The following PCDHGA5 variants were observed in gnomAD, a reference collection of about 807,000 sequenced individuals.
The protein encoded by PCDHGA5 is protocadherin gamma-A5.
In PCDHGA5, 36 loss-of-function variants were observed where a neutral mutation model predicts 56.7. The ratio of observed to expected loss-of-function variants is 0.64; its 90% CI spans 0.49 to 0.84. The LOEUF (loss-of-function observed/expected upper bound fraction) is 0.84, where lower values mean the gene tolerates loss of function less well. Among genes scored for constraint, PCDHGA5 ranks in the 40% least tolerant of loss-of-function variants. PCDHGA5 has a pLI of 0.00. For missense variants in PCDHGA5, 1,305 were observed against 1,201.5 expected, an observed-to-expected ratio of 1.09 and a Z score of -1.27; for synonymous variants, 563 against 520.2, an observed-to-expected ratio of 1.08 and a Z score of -1.12.
chr5:141,485,340 C>A lies in PCDHGA5; in HGVS notation c.2422-9467C>A. 1 of 1,614,076 alleles carries A rather than the reference C, an allele frequency of 6.2e-7. No individual in the cohort carries two copies. On this transcript the variant is annotated intron_variant, in intron 1 of 3. Transcript: ENST00000518069. The surrounding 1 kb of genome is among the most constrained non-coding windows in gnomAD (Gnocchi z 5.7). ...GTCGCTCAAGATTTCCTGCTGGATA[C>A]GGACAGTCTGTCAGCTCGCAGGCTG...
rs770759647 is a variant in PCDHGA5 at position 141,393,173 on chromosome 5, A to C, written c.2421+26422A>C. 38 of 1,613,150 alleles carry C rather than the reference A, an allele frequency of 2.4e-5. No homozygotes were observed. Among genetic ancestry groups the C allele is most frequent in the Non-Finnish European group, 3.2e-5 (38 of 1,179,886 alleles). ...ATAAAGGAAAACTCTTTGGGGTAGA[A>C]ATAGAAATAATTGATATTAACGATA... On this transcript the variant is annotated intron_variant, in intron 1 of 3. Coordinates refer to ENST00000518069, the MANE Select transcript of PCDHGA5 (RefSeq NM_018918.3).
chr5:141,432,992 G>A lies in PCDHGA5; in HGVS notation c.2422-61815G>A, dbSNP rs777975384. On this transcript the variant is annotated intron_variant, in intron 1 of 3. Coordinates refer to ENST00000518069, the MANE Select transcript of PCDHGA5 (RefSeq NM_018918.3). The surrounding 1 kb of genome is among the most constrained non-coding windows in gnomAD (Gnocchi z 6.0). The stretch of plus-strand genomic sequence containing the variant: ...GGCGTCGCACTTTGTGGGCGTGGAC[G>A]GGGTGCAGGCTTTCCTGCAGACCTA... 1.9e-6 allele frequency: 3 copies of A among 1,614,174 alleles called. No homozygotes were observed. In the Admixed American group the frequency reaches 5.0e-5, roughly 27 times the overall value.
intron 1 of PCDHGA5, chr5:141,395,233 G>T: frequency 6.2e-7 from 1 of 1,602,052 alleles, no homozygotes; most frequent in Non-Finnish European, 8.5e-7. Context: ...GCTGATCATG[G>T]TCAGGTGAGT....
chr5:141,441,772 TG>T, intron 1 of PCDHGA5: 1 of 388,268 alleles, frequency 2.6e-6, no homozygotes, highest in South Asian at 2.0e-5. Flanking sequence ...CGCGTGTTGG[TG>T]GACGACCTGA....
In PCDHGA5 at chr5:141,485,244, T is replaced by C; in HGVS notation, c.2422-9563T>C. ...ACCCTTTTGTTCCTCTTTTACCACC[T>C]GGGTTACGTTTGTGGGCAGATCCGC... On this transcript the variant is annotated intron_variant, in intron 1 of 3. Transcript: ENST00000518069. This position sits in a 1 kb window ranked among gnomAD's most constrained non-coding sequence, Gnocchi z 5.7. 1 of 1,614,168 alleles carries C rather than the reference T, an allele frequency of 6.2e-7. No individual in the cohort carries two copies. Among genetic ancestry groups the C allele is most frequent in the Admixed American group, 1.7e-5 (1 of 60,016 alleles).
intron 1 of PCDHGA5, chr5:141,413,350 G>A: frequency 6.2e-7 from 1 of 1,613,974 alleles, no homozygotes; most frequent in Non-Finnish European, 8.5e-7. Context: ...CTTGGGTCTG[G>A]CGCCCCGGGA....
At chr5:141,501,516 C>A (rs763346187) in intron 2 of PCDHGA5, among the ~76,000 whole-genome samples, 1 of 152,010 alleles carries the variant, frequency 6.6e-6, no homozygotes, top group Non-Finnish European at 1.5e-5. Flanking sequence ...GGCCTCCAAG[C>A]TGAAGCCCAG....
rs765586654 is a variant in PCDHGA5 at position 141,421,994 on chromosome 5, T to C, written c.2421+55243T>C. 8 of 1,608,922 alleles carry C rather than the reference T, an allele frequency of 5.0e-6. No homozygotes were observed. In the African/African-American group the frequency reaches 5.4e-5, roughly 11 times the overall value. On this transcript the variant is annotated intron_variant, in intron 1 of 3. Coordinates refer to ENST00000518069, the MANE Select transcript of PCDHGA5 (RefSeq NM_018918.3). ...TATCGCGTGAGTGTTCCAGAAAACA[T>C]CAGCTCCGGAACTCGGGTGCTGATG...
chr5:141,409,303 C>G, intron 1 of PCDHGA5: 3 of 1,613,922 alleles, frequency 1.9e-6, no homozygotes, highest in South Asian at 2.2e-5. Flanking sequence ...TGGTTGTTGC[C>G]CTCTTCAAAA....
chr5:141,364,513 G>A lies in PCDHGA5; in HGVS notation c.183G>A (p.Glu61=), dbSNP rs1027493241. Residue 61 remains glutamate (E), a synonymous_variant, in exon 1 of 4, where the codon GAG becomes GAA. Coordinates refer to ENST00000518069, the MANE Select transcript of PCDHGA5 (RefSeq NM_018918.3). ...DLGLEPQELA[E]RGVRIVSRGR... is the part of the protein sequence containing the mutation. ...GGCTGGAGCCCCAGGAGCTGGCGGA[G>A]CGCGGAGTCCGCATCGTCTCCAGAG... 3.1e-6 allele frequency: 5 copies of A among 1,613,934 alleles called. No homozygotes were observed. The highest frequency in any genetic ancestry group is 1.1e-5 in the South Asian group (1 of 91,088).
In PCDHGA5 at chr5:141,384,194, T is replaced by A. The variant is rs763395046; in HGVS notation, c.2421+17443T>A. 4.3e-6 allele frequency: 7 copies of A among 1,613,674 alleles called. No homozygotes were observed. In the East Asian group the frequency reaches 1.3e-4, roughly 31 times the overall value. ...GCCACAGATGGTGGAACTCCTCCCT[T>A]GTCCAGGGAAACTCACATATTCATG... On this transcript the variant is annotated intron_variant, in intron 1 of 3. Transcript: ENST00000518069.
At chr5:141,379,313 A>G (rs1053297201) in intron 1 of PCDHGA5, 11 of 152,382 alleles carry the variant, frequency 7.2e-5, no homozygotes, top group Non-Finnish European at 1.5e-4. Flanking sequence ...CCTAAACAAG[A>G]GATCTAATCA....
At position 141,371,452 on chromosome 5, in the gene PCDHGA5, C is replaced by A. The variant is rs1430739263; in HGVS notation, c.2421+4701C>A. The stretch of plus-strand genomic sequence containing the variant: ...CCGGAGATAACCCTGGCTTCTGAAT[C>A]CCAACATATACAAGAAGATGCTGAG... On this transcript the variant is annotated intron_variant, in intron 1 of 3. Coordinates refer to ENST00000518069, the MANE Select transcript of PCDHGA5 (RefSeq NM_018918.3). 3.7e-6 allele frequency: 6 copies of A among 1,613,858 alleles called. No homozygotes were observed. In the Admixed American group the frequency reaches 8.3e-5, roughly 22 times the overall value.
At chr5:141,370,641 AACTT>A in intron 1 of PCDHGA5, 1 of 1,613,910 alleles carries the variant, frequency 6.2e-7, no homozygotes, top group Non-Finnish European at 8.5e-7. Context: ...CGAAAATGGG[AACTT>A]ACTTGTGAGC....
intron 1 of PCDHGA5, chr5:141,376,682 T>TTTTTTTTG (rs1773145441): frequency 1.3e-6 from 1 of 786,082 alleles, no homozygotes; most frequent in African/African-American, 1.9e-5. Flanking sequence ...TATCGTTTTT[T>TTTTTTTTG]TTTTTTTTTT....
intron 1 of PCDHGA5, among the ~76,000 whole-genome samples, chr5:141,457,694 C>G (rs891323419): frequency 6.6e-6 from 1 of 152,214 alleles, no homozygotes; most frequent in Non-Finnish European, 1.5e-5. Flanking sequence ...TTTGGATTGG[C>G]TTTGATGAAA....
Position 141,489,400 on chromosome 5 carries a change from T to A in PCDHGA5, c.2422-5407T>A. 6.2e-7 allele frequency: 1 copy of A among 1,614,134 alleles called. No individual in the cohort carries two copies. Among genetic ancestry groups the A allele is most frequent in the Non-Finnish European group, 8.5e-7 (1 of 1,180,020 alleles). On this transcript the variant is annotated intron_variant, in intron 1 of 3. Transcript: ENST00000518069. This position sits in a 1 kb window ranked among gnomAD's most constrained non-coding sequence, Gnocchi z 4.5. ...GGGGAATGTTGCTCAGGATCTGGGC[T>A]TAAAGATGACAGATCTGTTGAGCCG...
At chr5:141,406,940 A>C (rs2094868445) in intron 1 of PCDHGA5, among the ~76,000 whole-genome samples, 1 of 152,212 alleles carries the variant, frequency 6.6e-6, no homozygotes, top group African/African-American at 2.4e-5. Context: ...ATTTAATGTT[A>C]TTTTAAACAT....
chr5:141,488,564 G>A (rs1047904416), intron 1 of PCDHGA5, among the ~76,000 whole-genome samples: 4 of 152,154 alleles, frequency 2.6e-5, no homozygotes, highest in Non-Finnish European at 5.9e-5. Context: ...TGAGATTTCC[G>A]CAAAGCATTG....
Sources: gnomAD v4.1 joint callset for allele counts (sites outside exome capture counted in the v4.1 genomes callset) on GRCh38, gnomAD v4.1.1 for gene constraint, Gnocchi (gnomAD v3.1) non-coding constraint, MANE v1.5 for transcripts, NCBI Gene and HGNC (gene_info 2026-07-23, HGNC 2026-07-21) for gene names.